Variants in SORCS2 observed in about 807,000 individuals in gnomAD.
The protein encoded by SORCS2 is sortilin related VPS10 domain containing receptor 2.
SORCS2 carries 100 observed loss-of-function variants against 141.6 expected under a neutral mutation model. That is an observed-to-expected ratio of 0.71 (90% CI 0.60 to 0.83). SORCS2 has a LOEUF of 0.83. SORCS2 is among the 40% of genes least tolerant of loss of function. The probability of loss-of-function intolerance (pLI) is 0.00; values close to 1 mark genes in which losing one functional copy is unlikely to be tolerated. For synonymous variants in SORCS2, 789 were observed against 676.9 expected (o/e 1.17, Z -2.57); for missense variants, 1,646 against 1,560.2 (o/e 1.05, Z -0.93).
At chr4:7,558,519 G>A (rs1714297575) in intron 3 of SORCS2, among the ~76,000 whole-genome samples, 1 of 152,186 alleles carries the variant, frequency 6.6e-6, no homozygotes, top group South Asian at 2.1e-4. Flanking sequence ...AACCTGGCTT[G>A]GGTCATAACT....
At chr4:7,266,582 T>C (rs755759686) in intron 1 of SORCS2, among the ~76,000 whole-genome samples, 11 of 152,184 alleles carry the variant, frequency 7.2e-5, no homozygotes, top group Non-Finnish European at 8.8e-5. Flanking sequence ...CTCCACAGCC[T>C]GTTAGCTGTG....
intron 2 of SORCS2, among the ~76,000 whole-genome samples, chr4:7,512,010 G>A (rs941656703): frequency 9.2e-5 from 14 of 152,220 alleles, no homozygotes; most frequent in African/African-American, 3.4e-4. Flanking sequence ...TGTGGACACC[G>A]CAGGTCTGTT....
intron 2 of SORCS2, among the ~76,000 whole-genome samples, chr4:7,445,042 G>T (rs2109269944): frequency 6.6e-6 from 1 of 152,322 alleles, no homozygotes; most frequent in East Asian, 1.9e-4. Flanking sequence ...AGGGATATAG[G>T]ACTGGACCAT....
In SORCS2 at chr4:7,737,220, G is replaced by A. The variant is rs185040657; in HGVS notation, c.3415+48G>A. The A allele has an allele frequency of 2.9e-4, 447 of 1,548,204 alleles. 6 individuals are homozygous for A. In the East Asian group the frequency reaches 0.01, roughly 36 times the overall value. ...TCTCGACTCGCAGACTCTAGGTAAC[G>A]TCCGCCCCAAACCCACCCCGCCCTC... On this transcript the variant is annotated intron_variant, in intron 26 of 26. Coordinates refer to ENST00000507866, the MANE Select transcript of SORCS2 (RefSeq NM_020777.3).
At chr4:7,244,122 A>C (rs1212497036) in intron 1 of SORCS2, among the ~76,000 whole-genome samples, 1 of 152,156 alleles carries the variant, frequency 6.6e-6, no homozygotes, top group African/African-American at 2.4e-5. Context: ...CTTCTGAAGC[A>C]CATAGGAAGG....
chr4:7,675,676 AC>A (rs1255313472), intron 8 of SORCS2, among the ~76,000 whole-genome samples: 2 of 152,028 alleles, frequency 1.3e-5, no homozygotes, highest in East Asian at 3.9e-4. Context: ...TCCAGCCCTC[AC>A]CCCCTGGAAT....
At chr4:7,493,138 T>C (rs374752176) in intron 2 of SORCS2, among the ~76,000 whole-genome samples, 45 of 152,264 alleles carry the variant, frequency 3.0e-4, no homozygotes, top group African/African-American at 8.9e-4. Context: ...TGTTTCAAAG[T>C]GCCCATCTGT....
At chr4:7,713,806 T>C (rs556615870) in intron 15 of SORCS2, among the ~76,000 whole-genome samples, 1 of 152,298 alleles carries the variant, frequency 6.6e-6, no homozygotes, top group Non-Finnish European at 1.5e-5. Flanking sequence ...GCATCCTCAC[T>C]GGCCCCACCC....
intron 3 of SORCS2, among the ~76,000 whole-genome samples, chr4:7,632,738 G>A (rs35258083): frequency 0.26 from 39,461 of 152,094 alleles, 6,440 homozygotes; most frequent in East Asian, 0.74. Flanking sequence ...TTGGGATCAC[G>A]GTGCTGGGAG....
At chr4:7,722,812 A>G (rs1253654434) in intron 18 of SORCS2, among the ~76,000 whole-genome samples, 3 of 152,244 alleles carry the variant, frequency 2.0e-5, no homozygotes, top group Non-Finnish European at 4.4e-5. Context: ...GAATTTACGT[A>G]AAAGTTTTCT....
chr4:7,369,660 T>A (rs1214266059), intron 1 of SORCS2, among the ~76,000 whole-genome samples: 1 of 152,152 alleles, frequency 6.6e-6, no homozygotes, highest in Non-Finnish European at 1.5e-5. Context: ...TGGCCCCAGC[T>A]TTGCTGAGTG....
intron 3 of SORCS2, among the ~76,000 whole-genome samples, chr4:7,631,442 G>A (rs902987468): frequency 6.6e-6 from 1 of 151,858 alleles, no homozygotes; most frequent in East Asian, 2.0e-4. Context: ...GTCTGCCCTT[G>A]GTCCCTCTGG....
At chr4:7,680,047 C>G (rs1005803883) in intron 9 of SORCS2, among the ~76,000 whole-genome samples, 1 of 152,228 alleles carries the variant, frequency 6.6e-6, no homozygotes, top group Non-Finnish European at 1.5e-5. Context: ...GGCAGAAGCC[C>G]TCTGGGTGAT....
In SORCS2 at chr4:7,233,765, C is replaced by T. The variant is rs1047432066; in HGVS notation, c.480+40639C>T. Among the ~76,000 whole-genome samples, 7 of 152,160 alleles carry T rather than the reference C, an allele frequency of 4.6e-5. No individual in the cohort carries two copies. The highest frequency in any genetic ancestry group is 2.1e-4 in the South Asian group (1 of 4,826). On this transcript the variant is annotated intron_variant, in intron 1 of 26. Coordinates refer to ENST00000507866, the MANE Select transcript of SORCS2 (RefSeq NM_020777.3). This position sits in a 1 kb window ranked among gnomAD's most constrained non-coding sequence, Gnocchi z 4.5. ...TGGCTCTGCCCACCTGGGCCTCAGGCGAGCCTGTACTCCTGCACGCCTCAG... is the reference window on the plus strand; with the variant it reads ...TGGCTCTGCCCACCTGGGCCTCAGGTGAGCCTGTACTCCTGCACGCCTCAG...
chr4:7,433,782 A>C (rs1158714223), intron 2 of SORCS2: 1 of 1,613,432 alleles, frequency 6.2e-7, no homozygotes, highest in African/African-American at 1.3e-5. Flanking sequence ...TCCGGTTGCC[A>C]CACAGACGGA....
chr4:7,332,213 C>T (rs1367195449), intron 1 of SORCS2, among the ~76,000 whole-genome samples: 1 of 152,230 alleles, frequency 6.6e-6, no homozygotes, highest in Non-Finnish European at 1.5e-5. Flanking sequence ...ATGTGGGGGG[C>T]TCTCAGCCAG....
intron 1 of SORCS2, among the ~76,000 whole-genome samples, chr4:7,331,065 C>T (rs959358090): frequency 6.6e-5 from 10 of 151,378 alleles, no homozygotes; most frequent in African/African-American, 2.4e-4. Flanking sequence ...CTGAGGGAGT[C>T]TGCGCTTGGT....
intron 1 of SORCS2, among the ~76,000 whole-genome samples, chr4:7,203,783 C>T (rs1263999958): frequency 1.3e-5 from 2 of 152,142 alleles, no homozygotes; most frequent in African/African-American, 4.8e-5. Flanking sequence ...TCTCATCTTC[C>T]CAAATGGAAA....
chr4:7,641,417 G>A (rs895977008), intron 4 of SORCS2, among the ~76,000 whole-genome samples: 1 of 152,118 alleles, frequency 6.6e-6, no homozygotes, highest in South Asian at 2.1e-4. Context: ...TATCACACAA[G>A]AACAGCATGG....
Sources: gnomAD v4.1 joint callset for allele counts (sites outside exome capture counted in the v4.1 genomes callset) on GRCh38, gnomAD v4.1.1 for gene constraint, Gnocchi (gnomAD v3.1) non-coding constraint, MANE v1.5 for transcripts, NCBI Gene and HGNC (gene_info 2026-07-23, HGNC 2026-07-21) for gene names.